SAMD5: variants seen among roughly 807,000 people sequenced by gnomAD.
SAMD5 encodes the protein sterile alpha motif domain-containing protein 5.
SAMD5 carries 13 observed loss-of-function variants against 11.3 expected under a neutral mutation model. The observed-to-expected ratio is 1.15, with a 90% CI of 0.75 to 1.83. SAMD5 has a LOEUF of 1.83. Ranked by LOEUF, SAMD5 falls within the 40% of genes most tolerant of loss-of-function variation. The pLI, the probability that SAMD5 is intolerant of heterozygous loss-of-function variation, is 0.00. For synonymous variants in SAMD5, 129 were observed against 111.3 expected, an observed-to-expected ratio of 1.16 and a Z score of -1.00; for missense variants, 255 against 239.1, an observed-to-expected ratio of 1.07 and a Z score of -0.44.
At chr6:147,677,666 G>A (rs1790883213) in intron 1 of SAMD5, among the ~76,000 whole-genome samples, 1 of 152,108 alleles carries the variant, frequency 6.6e-6, no homozygotes, top group Non-Finnish European at 1.5e-5. Context: ...CCACTATGGA[G>A]GAAGCAGGAA....
chr6:147,747,426 T>A, the SAMD5 span, among the ~76,000 whole-genome samples: 1 of 152,210 alleles, frequency 6.6e-6, no homozygotes, highest in South Asian at 2.1e-4. Flanking sequence ...CAAACACTGT[T>A]TTGACTTCAC....
At position 147,715,368 on chromosome 6, in the gene SAMD5, TG is replaced by T. The variant is rs141695339; in HGVS notation, c.163-21948del. On this transcript the variant is annotated intron_variant, in intron 1 of 1. Transcript: ENST00000566741. ...AGGCAACTCCAGGCACCAGCATGGG[TG>T]CCGGCTCCCTCTGAGGCTGAGGTTG... Among the ~76,000 whole-genome samples, 1,008 of 152,306 alleles carry T rather than the reference TG, an allele frequency of 6.6e-3. 16 individuals carry two copies. Among genetic ancestry groups the T allele is most frequent in the African/African-American group, 0.023 (957 of 41,570 alleles).
At chr6:147,733,403 C>T (rs1791745529) in intron 1 of SAMD5, among the ~76,000 whole-genome samples, 1 of 152,030 alleles carries the variant, frequency 6.6e-6, no homozygotes, top group South Asian at 2.1e-4. Flanking sequence ...GTTTTGTGTG[C>T]GTTTTCTGCA....
the SAMD5 span, among the ~76,000 whole-genome samples, chr6:147,916,249 A>G: frequency 1.3e-3 from 203 of 152,042 alleles, 3 homozygotes; most frequent in East Asian, 4.1e-3. Flanking sequence ...ATGATTTATA[A>G]TCCTTTGGGT....
the SAMD5 span, among the ~76,000 whole-genome samples, chr6:147,920,143 A>G: frequency 6.6e-6 from 1 of 152,100 alleles, no homozygotes; most frequent in South Asian, 2.1e-4. Context: ...GCCAAAGGAG[A>G]TTAACATTTG....
chr6:147,753,697 C>A, the SAMD5 span, among the ~76,000 whole-genome samples: 2 of 151,948 alleles, frequency 1.3e-5, no homozygotes, highest in African/African-American at 4.8e-5. Context: ...CCCCACCTTC[C>A]CCCCAGCCCC....
At chr6:147,698,381 A>G (rs1791207966) in intron 1 of SAMD5, among the ~76,000 whole-genome samples, 1 of 152,156 alleles carries the variant, frequency 6.6e-6, no homozygotes, top group African/African-American at 2.4e-5. Flanking sequence ...CATTCAGCCC[A>G]TAATAATGGC....
intron 1 of SAMD5, among the ~76,000 whole-genome samples, chr6:147,665,548 A>C (rs1445032251): frequency 6.6e-6 from 1 of 152,228 alleles, no homozygotes; most frequent in Non-Finnish European, 1.5e-5. Context: ...CCTACTGTGC[A>C]CATTTCACTA....
chr6:147,691,697 T>G (rs1791105764), intron 1 of SAMD5, among the ~76,000 whole-genome samples: 1 of 152,196 alleles, frequency 6.6e-6, no homozygotes, highest in Non-Finnish European at 1.5e-5. Flanking sequence ...ATAGTGTATA[T>G]CTCAATCTTG....
In SAMD5 at chr6:147,564,410, TCCTA is replaced by T; in HGVS notation, c.477_480del (p.Ile159MetfsTer4). 2 of 780,930 alleles carry T rather than the reference TCCTA, an allele frequency of 2.6e-6. No individual in the cohort carries two copies. The highest frequency in any genetic ancestry group is 2.7e-5 in the South Asian group (2 of 74,608). 48.4% of individuals were successfully genotyped at this position (780,930 alleles called of 1,614,324 possible). On this transcript the variant is annotated frameshift_variant, in exon 2 of 2. Transcript: ENST00000367474. LOFTEE classifies it high-confidence loss of function. ...AATCCACAGGTCCCAATGGCTGGCA[TCCTA>T]GAGTACTTAATGAATTGGCCGAAGT...
At position 147,599,295 on chromosome 6, in the gene SAMD5, A is replaced by C. The variant is rs187338844; in HGVS notation, c.162+89908A>C. Among the ~76,000 whole-genome samples the C allele has an allele frequency of 9.3e-4, 141 of 152,332 alleles. No homozygotes were observed. In the Middle Eastern group the frequency reaches 0.01, roughly 11 times the overall value. ...GGCAGTAAAAGAGACAAACAGGGCT[A>C]AGAGCTTTGTATTTTCAGACTGGAC... On this transcript the variant is annotated intron_variant, in intron 1 of 1. Transcript: ENST00000566741.
intron 1 of SAMD5, among the ~76,000 whole-genome samples, chr6:147,575,393 A>G (rs868836203): frequency 6.6e-6 from 1 of 152,278 alleles, no homozygotes; most frequent in Non-Finnish European, 1.5e-5. Context: ...TCAAATGGCC[A>G]TTAAATGGTT....
At chr6:147,511,428 A>G (rs1259132120) in intron 1 of SAMD5, among the ~76,000 whole-genome samples, 1 of 152,362 alleles carries the variant, frequency 6.6e-6, no homozygotes, top group East Asian at 1.9e-4. Flanking sequence ...GTTGCACTGC[A>G]ATACTATTTA....
chr6:147,890,753 G>GTT, the SAMD5 span, among the ~76,000 whole-genome samples: 13 of 146,388 alleles, frequency 8.9e-5, 1 homozygote, highest in African/African-American at 2.5e-4. Flanking sequence ...TATTTGGATA[G>GTT]TTTTTTTTTT....
rs1491388774 is a variant in SAMD5, at chr6:147,626,791, G to GGA, written c.163-110526_163-110525insGA. Among the ~76,000 whole-genome samples, 10 of 54,728 alleles carry GGA rather than the reference G, an allele frequency of 1.8e-4. No individual in the cohort carries two copies. The East Asian group carries it at 5.5e-3, about 30-fold the overall frequency. 35.9% of individuals were successfully genotyped at this position (54,728 alleles called of 152,430 possible). On this transcript the variant is annotated intron_variant, in intron 1 of 1. Transcript: ENST00000566741. ...CAACATAACGAGACACTGTTTCTAT[G>GGA]AAAAAAAAAAAAAAAAAAAAAAAAA...
chr6:147,536,250 T>C (rs1206511875), intron 1 of SAMD5, among the ~76,000 whole-genome samples: 2 of 152,208 alleles, frequency 1.3e-5, no homozygotes, highest in African/African-American at 4.8e-5. Context: ...TCCAAAGTGC[T>C]GGAATTACAG....
At chr6:147,631,425 T>C (rs776300673) in intron 1 of SAMD5, among the ~76,000 whole-genome samples, 24 of 152,148 alleles carry the variant, frequency 1.6e-4, no homozygotes, top group Admixed American at 1.0e-3. Context: ...GAGGCTGAGC[T>C]TGGTGAGGTG....
intron 1 of SAMD5, among the ~76,000 whole-genome samples, chr6:147,598,043 T>A (rs1789558094): frequency 6.6e-6 from 1 of 152,172 alleles, no homozygotes; most frequent in South Asian, 2.1e-4. Context: ...ACCACACCAC[T>A]GATGCAGTGG....
chr6:147,904,137 CACTA>C, the SAMD5 span, among the ~76,000 whole-genome samples: 1 of 152,304 alleles, frequency 6.6e-6, no homozygotes, highest in Middle Eastern at 3.4e-3. Context: ...CCTTCTGTGG[CACTA>C]ACTGCCAGCT....
Sources: gnomAD v4.1 joint callset for allele counts (sites outside exome capture counted in the v4.1 genomes callset) on GRCh38, gnomAD v4.1.1 for gene constraint, MANE v1.5 for transcripts, NCBI Gene and HGNC (gene_info 2026-07-23, HGNC 2026-07-21) for gene names.